Variants in RRM1 observed in about 807,000 individuals in gnomAD.
RRM1 encodes the protein ribonucleoside-diphosphate reductase large subunit.
In RRM1, 19 loss-of-function variants were observed where a neutral mutation model predicts 101.5. The observed-to-expected ratio is 0.19, with a 90% CI of 0.13 to 0.27. The LOEUF is 0.27. RRM1 is among the 10% of genes least tolerant of loss of function. RRM1 has a pLI of 1.00. For synonymous variants in RRM1, 298 were observed against 323.4 expected (o/e 0.92, Z 0.84); for missense variants, 500 against 962.9 (o/e 0.52, Z 6.36).
At chr11:4,137,161 G>A in intron 18 of RRM1, 1 of 248,582 alleles carries the variant, frequency 4.0e-6, no homozygotes, top group Non-Finnish European at 7.8e-6. Flanking sequence ...AGTCTCCCGT[G>A]TCTACTTCTT....
chr11:4,129,157 GA>G lies in RRM1; in HGVS notation c.1769+11del. 6.4e-7 allele frequency: 1 copy of G among 1,568,272 alleles called. No homozygotes were observed. The highest frequency in any genetic ancestry group is 8.8e-7 in the Non-Finnish European group (1 of 1,141,076). On this transcript the variant is annotated splice_region_variant and intron_variant, in intron 15 of 18. Transcript: ENST00000300738. ...TCAAGGAGAAGATTGCAAAGTAAGT[GA>G]AAAGATGTAAAGTAGCTTTGAAGGC...
At chr11:4,110,248 G>A (rs1231730967) in intron 5 of RRM1, among the ~76,000 whole-genome samples, 1 of 152,070 alleles carries the variant, frequency 6.6e-6, no homozygotes, top group African/African-American at 2.4e-5. Flanking sequence ...TGTCTCCTGA[G>A]TATAAGCAGT....
At chr11:4,103,628 C>T (rs186026888) in intron 2 of RRM1, among the ~76,000 whole-genome samples, 2 of 152,194 alleles carry the variant, frequency 1.3e-5, no homozygotes, top group East Asian at 3.9e-4. Flanking sequence ...ATTGCTTGGG[C>T]TCAGGAGTTT....
chr11:4,094,712 G>A (rs2094540279), upstream of RRM1: 3 of 526,024 alleles, frequency 5.7e-6, no homozygotes, highest in East Asian at 9.1e-5. Flanking sequence ...GACTCAACAT[G>A]GCGGCTACAC....
At chr11:4,117,307 C>T (rs1186315657) in intron 7 of RRM1, among the ~76,000 whole-genome samples, 2 of 152,098 alleles carry the variant, frequency 1.3e-5, no homozygotes, top group African/African-American at 4.8e-5. Flanking sequence ...TACAGAAATG[C>T]TTAGAGATAA....
At chr11:4,128,645 T>C (rs1287491380) in intron 14 of RRM1, among the ~76,000 whole-genome samples, 1 of 152,208 alleles carries the variant, frequency 6.6e-6, no homozygotes, top group Admixed American at 6.5e-5. Context: ...GATTCTTTAC[T>C]ATATAAAATG....
chr11:4,138,282 A>G lies in RRM1; in HGVS notation c.2278A>G (p.Lys760Glu). 1 of 1,611,112 alleles carries G rather than the reference A, an allele frequency of 6.2e-7. No homozygotes were observed. The highest frequency in any genetic ancestry group is 1.1e-5 in the South Asian group (1 of 90,882). The change falls in exon 19 of 19, where the codon AAA becomes GAA. Residue 760 changes from lysine to glutamate, a missense_variant. Lys to Glu is a moderately conservative substitution (Grantham distance 56). Transcript: ENST00000300738. Reference sequence around the variant, plus strand: ...TCTAAATAAGGAGAAGCTAAAAGATAAAGAAAAGGTATCAAAAGAGGAAGA... The same window carrying G: ...TCTAAATAAGGAGAAGCTAAAAGATGAAGAAAAGGTATCAAAAGAGGAAGA... ...FTLNKEKLKD[K>E]EKVSKEEEEK...
chr11:4,115,599 G>A (rs1164561925), intron 7 of RRM1, among the ~76,000 whole-genome samples: 1 of 151,050 alleles, frequency 6.6e-6, no homozygotes, highest in Non-Finnish European at 1.5e-5. Context: ...TCTTGTCACT[G>A]AGGCTGGAGT....
intron 7 of RRM1, among the ~76,000 whole-genome samples, chr11:4,112,711 G>T (rs1263315836): frequency 6.6e-6 from 1 of 152,204 alleles, no homozygotes; most frequent in African/African-American, 2.4e-5. Context: ...TAAGTGCCAA[G>T]AACTAGTTAG....
At chr11:4,099,443 G>T (rs1389441018) in intron 1 of RRM1, 1 of 151,972 alleles carries the variant, frequency 6.6e-6, no homozygotes, top group Admixed American at 6.6e-5. Context: ...TGCCCTGCTG[G>T]CTAGAGGATT....
intron 14 of RRM1, among the ~76,000 whole-genome samples, chr11:4,128,755 T>TGAAG (rs2094594060): frequency 6.6e-6 from 1 of 152,304 alleles, no homozygotes; most frequent in South Asian, 2.1e-4. Flanking sequence ...AAGGGACAGA[T>TGAAG]GAAGGCACTG....
rs11553292 is a variant in RRM1 at position 4,107,484 on chromosome 11, C to T, written c.336C>T (p.His112=). The T allele has an allele frequency of 6.2e-7, 1 of 1,613,634 alleles. No homozygotes were observed. Among genetic ancestry groups the T allele is most frequent in the African/African-American group, 1.3e-5 (1 of 75,042 alleles). ...ACATAAATCCACATAATGGCAAACA[C>T]TCTCCCATGGTGGCCAAGTCAACAT... ...YNYINPHNGK[H]SPMVAKSTLD... Residue 112 remains histidine (H), a synonymous_variant, in exon 4 of 19, where the codon CAC becomes CAT. Transcript: ENST00000300738.
intron 1 of RRM1, among the ~76,000 whole-genome samples, chr11:4,098,448 C>G (rs1590709136): frequency 2.7e-5 from 1 of 37,092 alleles, no homozygotes; most frequent in East Asian, 6.0e-4. Flanking sequence ...CTATTCCATT[C>G]ACAGCCTGCT....
chr11:4,118,242 T>G, intron 7 of RRM1, 78 bp from the exon 8 acceptor site: 9 of 1,281,284 alleles, frequency 7.0e-6, no homozygotes, highest in South Asian at 3.1e-5. Flanking sequence ...TTTGCCTTAG[T>G]GTCTTTGTGT....
intron 15 of RRM1, among the ~76,000 whole-genome samples, chr11:4,129,559 G>A (rs1040723135): frequency 6.6e-6 from 1 of 151,700 alleles, no homozygotes; most frequent in African/African-American, 2.4e-5. Flanking sequence ...GATTGTCATA[G>A]GAATAATGGA....
chr11:4,124,831 TTTTTC>T (rs147896717), intron 12 of RRM1, among the ~76,000 whole-genome samples: 74,741 of 149,738 alleles, frequency 0.5, 19,268 homozygotes, highest in Non-Finnish European at 0.58. Flanking sequence ...TTCAGTGTTT[TTTTTC>T]TTTTCTTTTC....
At position 4,135,104 on chromosome 11, in the gene RRM1, A is replaced by G; in HGVS notation, c.2024A>G (p.Asp675Gly). The G allele has an allele frequency of 6.2e-7, 1 of 1,611,128 alleles. No homozygotes were observed. Among genetic ancestry groups the G allele is most frequent in the Non-Finnish European group, 8.5e-7 (1 of 1,178,372 alleles). The part of the protein sequence containing the change: ...SIQSIPEIPD[D>G]LKQLYKTVWE... ...TAGAGCATACCAGAAATTCCTGATG[A>G]CCTGAAGCAACTTTATAAAACTGTG... Residue 675 changes from aspartate (D) to glycine (G), a missense_variant, in exon 18 of 19, where the codon GAC (aspartate) becomes GGC (glycine). Physicochemically the swap from Asp to Gly is moderately conservative, Grantham distance 94. Coordinates refer to ENST00000300738, the MANE Select transcript of RRM1 (RefSeq NM_001033.5).
In RRM1 at chr11:4,101,565, C is replaced by CCGCCCCG. The variant is rs1164061364; in HGVS notation, c.20-427_20-426insGCCCCGC. On this transcript the variant is annotated intron_variant, in intron 1 of 18. Transcript: ENST00000300738. ...CTGACCTCCAGTGATCCACACCCCCCCCCGCTCCCTTGGCCTCCCAAAGTG... is the reference window on the plus strand; with the variant it reads ...CTGACCTCCAGTGATCCACACCCCCCCGCCCCGCCCGCTCCCTTGGCCTCCCAAAGTG... Among the ~76,000 whole-genome samples the CCGCCCCG allele has an allele frequency of 1.6e-4, 5 of 32,228 alleles. No individual in the cohort carries two copies. In the South Asian group the frequency reaches 6.0e-3, roughly 38 times the overall value. The allele number at this position is 32,228 out of a possible 152,430, so 21.1% of individuals were successfully genotyped here. A position where few individuals can be genotyped will look rare whatever the true frequency, so the allele number is the denominator to read the frequency against.
intron 2 of RRM1, among the ~76,000 whole-genome samples, chr11:4,102,549 T>C (rs1461268967): frequency 6.6e-6 from 1 of 151,606 alleles, no homozygotes; most frequent in Admixed American, 6.6e-5. Flanking sequence ...TCCCAGCTAC[T>C]TGGGAGGCAG....
Sources: gnomAD v4.1 joint callset for allele counts (sites outside exome capture counted in the v4.1 genomes callset) on GRCh38, gnomAD v4.1.1 for gene constraint, MANE v1.5 for transcripts, NCBI Gene and HGNC (gene_info 2026-07-23, HGNC 2026-07-21) for gene names.